Variants in DYNC1I1 observed in about 807,000 individuals in gnomAD.
DYNC1I1 encodes cytoplasmic dynein 1 intermediate chain 1.
DYNC1I1 carries 43 observed loss-of-function variants against 86.6 expected under a neutral mutation model. The ratio of observed to expected loss-of-function variants is 0.50; its 90% confidence interval spans 0.39 to 0.64. The LOEUF is 0.64. Ranked by LOEUF, DYNC1I1 falls within the 30% of genes least tolerant of loss-of-function variation. DYNC1I1 has a pLI of 0.00. For synonymous variants in DYNC1I1, 262 were observed against 283.7 expected (o/e 0.92, Z 0.77); for missense variants, 604 against 788.8 (o/e 0.77, Z 2.81).
intron 1 of DYNC1I1, among the ~76,000 whole-genome samples, chr7:95,798,689 C>T (rs1297692291): frequency 6.6e-6 from 1 of 152,148 alleles, no homozygotes; most frequent in Non-Finnish European, 1.5e-5. Flanking sequence ...GAATCCCAAA[C>T]GGCTGCCAAC....
chr7:95,872,169 G>A lies in DYNC1I1; in HGVS notation c.490+2171G>A, dbSNP rs545170116. On this transcript the variant is annotated intron_variant, in intron 6 of 16. Coordinates refer to ENST00000447467, the MANE Select transcript of DYNC1I1 (RefSeq NM_001135556.2). ...AGTTGGCACTGAGGTTCTACCATGC[G>A]GCAGATGTGGGTTGGCTCCACTGTG... 1.9e-3 allele frequency among the ~76,000 whole-genome samples: 291 copies of A among 152,284 alleles called. 2 individuals are homozygous for A. The highest frequency in any genetic ancestry group is 6.5e-3 in the African/African-American group (272 of 41,564).
At chr7:96,049,333 A>G (rs1789321292) in intron 14 of DYNC1I1, among the ~76,000 whole-genome samples, 1 of 152,134 alleles carries the variant, frequency 6.6e-6, no homozygotes, top group Non-Finnish European at 1.5e-5. Context: ...TATCTTAATA[A>G]AAGAGGCAAA....
intron 14 of DYNC1I1, among the ~76,000 whole-genome samples, chr7:96,060,871 T>C (rs60412555): frequency 6.7e-6 from 1 of 149,340 alleles, no homozygotes; most frequent in Non-Finnish European, 1.5e-5. Context: ...GAAGGAAGAG[T>C]GTATTTAAAT....
intron 5 of DYNC1I1, among the ~76,000 whole-genome samples, chr7:95,828,817 G>T (rs143366925): frequency 6.6e-6 from 1 of 152,244 alleles, no homozygotes; most frequent in East Asian, 1.9e-4. Context: ...TCCGTTGTAG[G>T]ATTGGAGTTA....
At chr7:95,937,297 A>G (rs1300647949) in intron 6 of DYNC1I1, among the ~76,000 whole-genome samples, 2 of 152,126 alleles carry the variant, frequency 1.3e-5, no homozygotes, top group African/African-American at 2.4e-5. Context: ...AAAATTTGTT[A>G]TAATAGTGGA....
intron 10 of DYNC1I1, among the ~76,000 whole-genome samples, chr7:96,013,501 C>T (rs887440392): frequency 6.6e-6 from 1 of 152,152 alleles, no homozygotes; most frequent in Non-Finnish European, 1.5e-5. Context: ...CTCTGTCACC[C>T]AGGCTGGAGT....
intron 7 of DYNC1I1, among the ~76,000 whole-genome samples, chr7:95,983,755 A>G (rs1041638841): frequency 2.6e-5 from 4 of 152,046 alleles, no homozygotes; most frequent in African/African-American, 9.7e-5. Flanking sequence ...GTGCTTGGAA[A>G]ACCCTGTAGG....
chr7:96,039,463 G>C, intron 14 of DYNC1I1, 42 bp downstream of exon 14: 14 of 1,611,702 alleles, frequency 8.7e-6, no homozygotes, highest in Non-Finnish European at 1.2e-5. Context: ...ATACATAAGG[G>C]CAGAGGATGG....
In DYNC1I1 at chr7:95,911,951, T is replaced by A. The variant is rs556356201; in HGVS notation, c.490+41953T>A. Among the ~76,000 whole-genome samples, 301 of 152,336 alleles carry A rather than the reference T, an allele frequency of 2.0e-3. 2 individuals carry two copies. The highest frequency in any genetic ancestry group is 6.6e-3 in the African/African-American group (276 of 41,580). On this transcript the variant is annotated intron_variant, in intron 6 of 16. Coordinates refer to ENST00000447467, the MANE Select transcript of DYNC1I1 (RefSeq NM_001135556.2). ...ATAAAGCATGCCCTAATCTGCAGGA[T>A]GAATTCCCAAGCACTCAAATTTGTG...
chr7:95,987,679 G>A (rs780734428), intron 9 of DYNC1I1, among the ~76,000 whole-genome samples: 15 of 152,252 alleles, frequency 9.9e-5, no homozygotes, highest in Non-Finnish European at 1.9e-4. Flanking sequence ...CCACTGCTAA[G>A]GATTCAACCA....
chr7:96,103,130 A>G (rs1415493563), downstream of DYNC1I1, among the ~76,000 whole-genome samples: 3 of 152,178 alleles, frequency 2.0e-5, no homozygotes, highest in African/African-American at 7.2e-5. Context: ...ATACGTGGCC[A>G]TGTGTAGGGA....
intron 6 of DYNC1I1, among the ~76,000 whole-genome samples, chr7:95,897,737 A>AT (rs10657325): frequency 0.098 from 14,506 of 148,304 alleles, 1,053 homozygotes; most frequent in African/African-American, 0.2. Context: ...AGTTGAGTTG[A>AT]TTTTTTTTTT....
At chr7:95,920,813 T>C (rs1439819884) in intron 6 of DYNC1I1, among the ~76,000 whole-genome samples, 2 of 152,234 alleles carry the variant, frequency 1.3e-5, no homozygotes, top group African/African-American at 4.8e-5. Context: ...TGCAGCGCTC[T>C]GAATACCATG....
At chr7:96,004,809 A>G (rs1242867571) in intron 10 of DYNC1I1, among the ~76,000 whole-genome samples, 3 of 152,204 alleles carry the variant, frequency 2.0e-5, no homozygotes, top group African/African-American at 4.8e-5. Context: ...TTGCAAAACC[A>G]TGCCTCTCCA....
chr7:96,054,141 C>T (rs899875252), intron 14 of DYNC1I1, among the ~76,000 whole-genome samples: 1 of 152,150 alleles, frequency 6.6e-6, no homozygotes, highest in Admixed American at 6.5e-5. Context: ...CCCCTAGCCC[C>T]TCACCCCGCA....
intron 12 of DYNC1I1, 91 bp from the exon 13 acceptor site, chr7:96,035,528 A>G (rs1584267164): frequency 6.8e-7 from 1 of 1,471,074 alleles, no homozygotes; most frequent in Non-Finnish European, 9.0e-7. Flanking sequence ...TGAAAAGCAA[A>G]CACATGATTT....
chr7:96,010,827 G>GTTT (rs1401469826), intron 10 of DYNC1I1, among the ~76,000 whole-genome samples: 1 of 152,162 alleles, frequency 6.6e-6, no homozygotes, highest in Non-Finnish European at 1.5e-5. Context: ...ATCTGTAAAA[G>GTTT]AAAAACACCT....
chr7:95,780,388 C>G (rs1166108924), intron 1 of DYNC1I1, among the ~76,000 whole-genome samples: 1 of 151,690 alleles, frequency 6.6e-6, no homozygotes, highest in African/African-American at 2.4e-5. Context: ...CTGCCTCAGC[C>G]TCCCGAGTAG....
intron 13 of DYNC1I1, among the ~76,000 whole-genome samples, chr7:96,037,404 A>G (rs1794951384): frequency 6.6e-6 from 1 of 152,204 alleles, no homozygotes; most frequent in South Asian, 2.1e-4. Flanking sequence ...TCTCTCTTCA[A>G]AATAACTGAT....
Sources: gnomAD v4.1 joint callset for allele counts (sites outside exome capture counted in the v4.1 genomes callset) on GRCh38, gnomAD v4.1.1 for gene constraint, MANE v1.5 for transcripts, NCBI Gene and HGNC (gene_info 2026-07-23, HGNC 2026-07-21) for gene names.